IGSF10: variants seen among roughly 807,000 people sequenced by gnomAD.
IGSF10 encodes immunoglobulin superfamily member 10.
Under a neutral mutation model 128.2 loss-of-function variants are expected in IGSF10, and 126 were observed. That is an observed-to-expected ratio of 0.98 (90% CI 0.85 to 1.14). The LOEUF (loss-of-function observed/expected upper bound fraction) is 1.14, where lower values mean the gene tolerates loss of function less well. IGSF10 is among the 50% of genes most tolerant of loss of function. The pLI is 0.00. For synonymous variants in IGSF10, 1,185 were observed against 1,146.2 expected (o/e 1.03, Z -0.68); for missense variants, 3,295 against 3,149.8 (o/e 1.05, Z -1.10).
chr3:151,481,155 G>A, the IGSF10 span, among the ~76,000 whole-genome samples: 1 of 152,124 alleles, frequency 6.6e-6, no homozygotes, highest in African/African-American at 2.4e-5. Context: ...CACTTTCTGG[G>A]GTTGAGCAGA....
In IGSF10 at chr3:151,448,828, G is replaced by A; in HGVS notation, c.1153C>T (p.Pro385Ser). The change falls in exon 6 of 8, where the codon CCT becomes TCT. Residue 385 changes from proline to serine, a missense_variant. Pro to Ser is a moderately conservative substitution (Grantham distance 74). Transcript: ENST00000282466. ...AAGTGGCTCCTTTCTAGTATCAGAG[G>A]AGAATCACTGTACAAAGCCAAAATT... ...WQILALYSDS[P>S]LILERSHLLS... 2 of 1,613,640 alleles carry A rather than the reference G, an allele frequency of 1.2e-6. No individual in the cohort carries two copies.
Position 151,453,728 on chromosome 3 carries a change from G to T in IGSF10, c.371C>A (p.Thr124Asn), listed in dbSNP as rs35953658. Residue 124 changes from threonine to asparagine, a missense_variant, in exon 5 of 8, where the codon ACT (threonine) becomes AAT (asparagine). By Grantham distance (65) the Thr-to-Asn change is moderately conservative. Transcript: ENST00000282466. The stretch of plus-strand genomic sequence containing the variant: ...TGTCAAGCTCCTGAGGCCATAAAAA[G>T]TATCTTTCTGAAGTTTTCGGACTTT... The part of the protein sequence containing the change: ...YNKVRKLQKD[T>N]FYGLRSLTRL... The T allele has an allele frequency of 1.3e-6, 2 of 1,593,794 alleles. No individual in the cohort carries two copies. Among genetic ancestry groups the T allele is most frequent in the Admixed American group, 1.8e-5 (1 of 57,112 alleles).
the IGSF10 span, among the ~76,000 whole-genome samples, chr3:151,578,543 C>T: frequency 6.6e-6 from 1 of 152,166 alleles, no homozygotes; most frequent in East Asian, 1.9e-4. Flanking sequence ...TCTCTATGGA[C>T]CTCATTGATT....
upstream of IGSF10, chr3:151,461,222 G>A (rs1303542443): frequency 1.0e-6 from 1 of 985,258 alleles, no homozygotes; most frequent in East Asian, 1.1e-4. Flanking sequence ...AATTCCCAGG[G>A]CTTTCTCCTA....
At chr3:151,541,301 C>G in the IGSF10 span, among the ~76,000 whole-genome samples, 1 of 152,064 alleles carries the variant, frequency 6.6e-6, no homozygotes, top group African/African-American at 2.4e-5. Context: ...GACTTCAAGA[C>G]AGTATATCTT....
At position 151,461,052 on chromosome 3, in the gene IGSF10, G is replaced by C. The variant is rs550727917; in HGVS notation, c.-195C>G. Reference sequence around the variant, plus strand: ...GCGGAGCTGGTCCGGAGCTCTGGGAGGGAAGGAAGGAAGGCGGAGCGAGGG... The same window carrying C: ...GCGGAGCTGGTCCGGAGCTCTGGGACGGAAGGAAGGAAGGCGGAGCGAGGG... On this transcript the variant is annotated 5_prime_UTR_variant, in exon 1 of 8. Coordinates refer to ENST00000282466, the MANE Select transcript of IGSF10 (RefSeq NM_178822.5). 1.0e-6 allele frequency: 1 copy of C among 985,242 alleles called. No homozygotes were observed. The highest frequency in any genetic ancestry group is 6.1e-5 in the Admixed American group (1 of 16,262). 61.0% of individuals were successfully genotyped at this position (985,242 alleles called of 1,614,324 possible). A position where few individuals can be genotyped will look rare whatever the true frequency, so the allele number is the denominator to read the frequency against.
chr3:151,486,829 A>C, the IGSF10 span, among the ~76,000 whole-genome samples: 3 of 152,234 alleles, frequency 2.0e-5, no homozygotes, highest in African/African-American at 7.2e-5. Context: ...GGACAGATTT[A>C]AAGCAGTGTG....
At chr3:151,455,089 C>A (rs1441672949) in intron 4 of IGSF10, among the ~76,000 whole-genome samples, 2 of 151,566 alleles carry the variant, frequency 1.3e-5, no homozygotes, top group Non-Finnish European at 2.9e-5. Context: ...TTAGAAACTT[C>A]TAAATAAAGT....
At chr3:151,541,337 C>T in the IGSF10 span, among the ~76,000 whole-genome samples, 2 of 152,088 alleles carry the variant, frequency 1.3e-5, no homozygotes, top group East Asian at 3.9e-4. Context: ...GCTAACAAAA[C>T]AGTAAAATTT....
At chr3:151,460,023 A>G (rs1016685051) in intron 2 of IGSF10, among the ~76,000 whole-genome samples, 2 of 152,232 alleles carry the variant, frequency 1.3e-5, no homozygotes, top group African/African-American at 4.8e-5. Flanking sequence ...CCTGGTTACA[A>G]TAATTTTAAA....
chr3:151,541,932 G>A, the IGSF10 span, among the ~76,000 whole-genome samples: 1 of 152,120 alleles, frequency 6.6e-6, no homozygotes, highest in Non-Finnish European at 1.5e-5. Context: ...CAGGTAGCAT[G>A]ACCAATGTTC....
the IGSF10 span, among the ~76,000 whole-genome samples, chr3:151,606,269 A>G: frequency 6.6e-6 from 1 of 152,210 alleles, no homozygotes; most frequent in East Asian, 1.9e-4. Context: ...GTAGCTTTCA[A>G]TATGGGACTG....
chr3:151,568,856 C>T, the IGSF10 span, among the ~76,000 whole-genome samples: 1 of 152,074 alleles, frequency 6.6e-6, no homozygotes, highest in Non-Finnish European at 1.5e-5. Flanking sequence ...AGTCATGAAA[C>T]CAAACTATGT....
chr3:151,450,899 A>AG (rs1577673629), intron 5 of IGSF10, among the ~76,000 whole-genome samples: 2 of 149,418 alleles, frequency 1.3e-5, no homozygotes, highest in African/African-American at 4.9e-5. Flanking sequence ...CTGTCTCAAA[A>AG]AAAAAAAAAA....
At position 151,448,710 on chromosome 3, in the gene IGSF10, G is replaced by C; in HGVS notation, c.1271C>G (p.Ala424Gly). Residue 424 changes from alanine to glycine, a missense_variant, in exon 6 of 8, where the codon GCA (alanine) becomes GGA (glycine). Coordinates refer to ENST00000282466, the MANE Select transcript of IGSF10 (RefSeq NM_178822.5). ...IFTNIEADLR[A>G]DPSWLMQDQI... ...GTCTTGCATTAACCAAGAGGGATCTGCTCTGAGATCTGCCTCTATGTTGGT... is the reference window on the plus strand; with the variant it reads ...GTCTTGCATTAACCAAGAGGGATCTCCTCTGAGATCTGCCTCTATGTTGGT... 6.2e-6 allele frequency: 10 copies of C among 1,613,924 alleles called. No individual in the cohort carries two copies. Among genetic ancestry groups the C allele is most frequent in the Non-Finnish European group, 8.5e-6 (10 of 1,179,816 alleles).
the IGSF10 span, among the ~76,000 whole-genome samples, chr3:151,550,924 G>A: frequency 2.0e-5 from 3 of 152,108 alleles, no homozygotes; most frequent in African/African-American, 7.2e-5. Flanking sequence ...GGCTGATGTT[G>A]CTCCCTTGGT....
chr3:151,437,732 C>A lies in IGSF10; in HGVS notation c.6829G>T (p.Asp2277Tyr), dbSNP rs1258363253. The change falls in exon 8 of 8, where the codon GAC (aspartate) becomes TAC (tyrosine). Residue 2277 changes from aspartate (D) to tyrosine (Y), a missense_variant. Asp to Tyr is a radical substitution (Grantham distance 160). Transcript: ENST00000282466. ...PSPEVMWIMP[D>Y]NIFLTAPYYG... is the part of the protein sequence containing the mutation. ...TATGGGGCTGTGAGGAAAATATTGT[C>A]TGGCATGATCCACATGACTTCAGGA... 6 of 1,613,942 alleles carry A rather than the reference C, an allele frequency of 3.7e-6. No individual in the cohort carries two copies. The African/African-American group carries it at 8.0e-5, about 22-fold the overall frequency.
the IGSF10 span, among the ~76,000 whole-genome samples, chr3:151,509,588 G>C: frequency 7.2e-5 from 11 of 152,366 alleles, no homozygotes; most frequent in Middle Eastern, 3.4e-3. Context: ...TTCCAACTGA[G>C]GTACCGGGTT....
chr3:151,601,285 C>T, the IGSF10 span, among the ~76,000 whole-genome samples: 8 of 152,026 alleles, frequency 5.3e-5, no homozygotes, highest in Admixed American at 2.0e-4. Flanking sequence ...CTCTTTTACA[C>T]GACAGTGCTA....
Sources: gnomAD v4.1 joint callset for allele counts (sites outside exome capture counted in the v4.1 genomes callset) on GRCh38, gnomAD v4.1.1 for gene constraint, MANE v1.5 for transcripts, NCBI Gene and HGNC (gene_info 2026-07-23, HGNC 2026-07-21) for gene names.